Variants in RIMS1 observed in about 807,000 individuals in gnomAD.
The protein encoded by RIMS1 is regulating synaptic membrane exocytosis protein 1.
In RIMS1, 83 loss-of-function variants were observed where a neutral mutation model predicts 214.1. That is an observed-to-expected ratio of 0.39 (90% CI 0.32 to 0.47). The LOEUF is 0.47. Among genes scored for constraint, RIMS1 ranks in the 20% least tolerant of loss-of-function variants. RIMS1 has a pLI of 0.99. For synonymous variants in RIMS1, 793 were observed against 786.8 expected (o/e 1.01, Z -0.13); for missense variants, 2,050 against 2,161.8 (o/e 0.95, Z 1.03).
At chr6:72,205,513 A>G (rs1487670593) in intron 6 of RIMS1, among the ~76,000 whole-genome samples, 2 of 152,152 alleles carry the variant, frequency 1.3e-5, no homozygotes, top group African/African-American at 4.8e-5. Context: ...GAGATTGTAT[A>G]TTTCACAATT....
At position 72,160,429 on chromosome 6, in the gene RIMS1, G is replaced by C. The variant is rs1408684875; in HGVS notation, c.472-19146G>C. On this transcript the variant is annotated intron_variant, in intron 4 of 33. Transcript: ENST00000521978. ...GAACTTCCAACACTATGTTGAATAG[G>C]AGTGGTGAGAGAGGACATCCCTGTC... Among the ~76,000 whole-genome samples, 16 of 139,700 alleles carry C rather than the reference G, an allele frequency of 1.1e-4. 5 individuals are homozygous for C. The South Asian group carries it at 3.8e-3, about 33-fold the overall frequency. The allele number at this position is 139,700 out of a possible 152,430, so 91.6% of individuals were successfully genotyped here. A position where few individuals can be genotyped will look rare whatever the true frequency, so the allele number is the denominator to read the frequency against.
At chr6:72,105,845 A>T (rs2034633115) in intron 4 of RIMS1, among the ~76,000 whole-genome samples, 1 of 152,180 alleles carries the variant, frequency 6.6e-6, no homozygotes, top group Admixed American at 6.6e-5. Context: ...TGCCAAAAGC[A>T]TCTTGTGCTG....
chr6:72,043,154 GCACACACA>G (rs61574291), intron 2 of RIMS1, among the ~76,000 whole-genome samples: 3 of 148,128 alleles, frequency 2.0e-5, no homozygotes, highest in Admixed American at 6.8e-5. Flanking sequence ...GAACTTGCAT[GCACACACA>G]CACACACACA....
chr6:72,029,377 T>G (rs1005607310), intron 2 of RIMS1, among the ~76,000 whole-genome samples: 6 of 152,174 alleles, frequency 3.9e-5, no homozygotes, highest in African/African-American at 1.4e-4. Flanking sequence ...ATGTTGAAAC[T>G]TCATTGCCAA....
At chr6:72,234,653 G>A (rs1045615768) in intron 7 of RIMS1, among the ~76,000 whole-genome samples, 4 of 151,886 alleles carry the variant, frequency 2.6e-5, no homozygotes, top group Middle Eastern at 3.4e-3. Flanking sequence ...AATGTCATGC[G>A]TCCACCATTA....
At chr6:71,949,562 A>G (rs1788839018) in intron 1 of RIMS1, among the ~76,000 whole-genome samples, 1 of 152,206 alleles carries the variant, frequency 6.6e-6, no homozygotes, top group African/African-American at 2.4e-5. Context: ...GAAAATGAAG[A>G]ATAAGTATAC....
At chr6:71,891,538 A>G (rs747996927) in intron 1 of RIMS1, among the ~76,000 whole-genome samples, 4 of 152,188 alleles carry the variant, frequency 2.6e-5, no homozygotes, top group Non-Finnish European at 5.9e-5. Flanking sequence ...AAATATATCC[A>G]TAAGGTTCAT....
chr6:72,370,106 C>T (rs1232874095), intron 29 of RIMS1, among the ~76,000 whole-genome samples: 1 of 152,212 alleles, frequency 6.6e-6, no homozygotes, highest in Non-Finnish European at 1.5e-5. Flanking sequence ...GTTTGCTACA[C>T]TTTCTCCCTG....
chr6:72,347,529 T>C (rs2097306786), intron 29 of RIMS1, among the ~76,000 whole-genome samples: 1 of 151,858 alleles, frequency 6.6e-6, no homozygotes, highest in East Asian at 1.9e-4. Context: ...GCCACAGATA[T>C]TGTGCACATG....
intron 29 of RIMS1, among the ~76,000 whole-genome samples, chr6:72,340,435 T>G (rs1222798392): frequency 6.6e-6 from 1 of 152,118 alleles, no homozygotes; most frequent in Middle Eastern, 3.2e-3. Context: ...ATTTAAGTCT[T>G]TAATCCATCT....
intron 1 of RIMS1, among the ~76,000 whole-genome samples, chr6:71,903,928 A>T (rs1240642606): frequency 6.6e-6 from 1 of 152,188 alleles, no homozygotes; most frequent in African/African-American, 2.4e-5. Context: ...ATGTACATAT[A>T]CACAAATTCA....
intron 6 of RIMS1, among the ~76,000 whole-genome samples, chr6:72,223,713 T>C (rs2059258581): frequency 6.6e-6 from 1 of 151,904 alleles, no homozygotes; most frequent in Non-Finnish European, 1.5e-5. Context: ...TTTGGGAGGC[T>C]GAGGTGGGTG....
At chr6:72,374,793 A>G (rs894843351) in intron 29 of RIMS1, among the ~76,000 whole-genome samples, 1 of 152,184 alleles carries the variant, frequency 6.6e-6, no homozygotes, top group African/African-American at 2.4e-5. Flanking sequence ...ATTGCAATAT[A>G]TAATGAAATA....
chr6:72,182,586 A>T lies in RIMS1; in HGVS notation c.1115A>T (p.Glu372Val). Residue 372 changes from glutamate to valine, a missense_variant, in exon 6 of 34, where the codon GAG becomes GTG. Glu to Val is a moderately radical substitution (Grantham distance 121). This residue lies in a region of RIMS1 where 882 missense variants were observed against 828.9 expected (regional missense o/e 1.06). Coordinates refer to ENST00000521978, the MANE Select transcript of RIMS1 (RefSeq NM_014989.7). ...TACCCGGTGAAACCGCCGCCTGAGG[A>T]GCAGCAGATGCGCATGCACGCCCGG... ...ARYPVKPPPE[E>V]QQMRMHARVS... is the part of the protein sequence containing the mutation. 6.5e-7 allele frequency: 1 copy of T among 1,549,082 alleles called. No individual in the cohort carries two copies.
chr6:71,901,609 A>C (rs1114040), intron 1 of RIMS1, among the ~76,000 whole-genome samples: 2 of 151,860 alleles, frequency 1.3e-5, no homozygotes, highest in Non-Finnish European at 2.9e-5. Context: ...AGGCTCCTCT[A>C]TGGTGGCAAG....
intron 19 of RIMS1, chr6:72,264,145 CT>C (rs2079341362): frequency 1.7e-5 from 6 of 350,558 alleles, no homozygotes; most frequent in African/African-American, 2.2e-5. Context: ...ATTCCCTTCC[CT>C]CTTGATTATG....
At chr6:72,362,665 T>C (rs2097862554) in intron 29 of RIMS1, among the ~76,000 whole-genome samples, 1 of 152,172 alleles carries the variant, frequency 6.6e-6, no homozygotes. Context: ...CATTCAGCAC[T>C]TCTATATCTT....
chr6:71,974,282 G>T (rs141128248), intron 2 of RIMS1, among the ~76,000 whole-genome samples: 2 of 151,954 alleles, frequency 1.3e-5, no homozygotes, highest in Admixed American at 6.6e-5. Context: ...TGGTTTCGTG[G>T]GTGGGTGGGA....
chr6:72,355,190 A>C (rs918442806), intron 29 of RIMS1, among the ~76,000 whole-genome samples: 4 of 152,184 alleles, frequency 2.6e-5, no homozygotes, highest in African/African-American at 7.2e-5. Context: ...GGGACATACA[A>C]CTATCTTCTA....
Sources: gnomAD v4.1 joint callset for allele counts (sites outside exome capture counted in the v4.1 genomes callset) on GRCh38, gnomAD v4.1.1 for gene constraint, gnomAD v4.1.1 regional missense constraint, MANE v1.5 for transcripts, NCBI Gene and HGNC (gene_info 2026-07-23, HGNC 2026-07-21) for gene names.